The following GPLD1 variants were observed in gnomAD, a reference collection of about 807,000 sequenced individuals.
GPLD1 encodes phosphatidylinositol-glycan-specific phospholipase D.
Under a neutral mutation model 112.6 loss-of-function variants are expected in GPLD1, and 84 were observed. The ratio of observed to expected loss-of-function variants is 0.75; its 90% CI spans 0.63 to 0.89. The LOEUF is 0.89. GPLD1 is among the 40% of genes least tolerant of loss of function. The pLI is 0.00. For missense variants in GPLD1, 1,044 were observed against 1,051.5 expected (o/e 0.99, Z 0.10); for synonymous variants, 386 against 403.8 (o/e 0.96, Z 0.53).
chr6:24,439,693 T>C (rs1381335535), intron 20 of GPLD1, among the ~76,000 whole-genome samples: 1 of 152,158 alleles, frequency 6.6e-6, no homozygotes, highest in African/African-American at 2.4e-5. Context: ...AAACTCAAGG[T>C]AATGTTGTAG....
At chr6:24,475,292 T>TA in intron 4 of GPLD1, 61 bp from the exon 5 acceptor site, 1 of 361,032 alleles carries the variant, frequency 2.8e-6, no homozygotes. Context: ...ACAATCCTAT[T>TA]AAAAGTTTTA....
At chr6:24,470,661 T>C (rs1763785715) in intron 7 of GPLD1, among the ~76,000 whole-genome samples, 2 of 152,220 alleles carry the variant, frequency 1.3e-5, no homozygotes, top group Non-Finnish European at 2.9e-5. Context: ...TGCAATGGCA[T>C]GATCTCAGCT....
At chr6:24,473,575 G>T (rs372212224) in intron 6 of GPLD1, 44 bp downstream of exon 6, 2 of 1,264,606 alleles carry the variant, frequency 1.6e-6, no homozygotes, top group South Asian at 1.2e-5. Context: ...CATTATAAGT[G>T]AACTATACCA....
chr6:24,462,677 T>A (rs1051755794), intron 11 of GPLD1, 53 bp downstream of exon 11: 1 of 1,152,144 alleles, frequency 8.7e-7, no homozygotes, highest in Admixed American at 1.7e-5. Flanking sequence ...CTATAGGGCA[T>A]CTCCTCCAGG....
chr6:24,434,794 C>G (rs1360518519), intron 22 of GPLD1, among the ~76,000 whole-genome samples: 1 of 144,900 alleles, frequency 6.9e-6, no homozygotes, highest in Admixed American at 6.9e-5. Context: ...GCCGAGATCA[C>G]GCCACTGCAC....
chr6:24,495,228 G>T, upstream of GPLD1: 2 of 1,519,862 alleles, frequency 1.3e-6, no homozygotes, highest in South Asian at 2.4e-5. Context: ...CACCTTCCCC[G>T]TGCAAGACCC....
intron 10 of GPLD1, among the ~76,000 whole-genome samples, chr6:24,465,371 T>A (rs1171981657): frequency 1.3e-5 from 2 of 151,548 alleles, no homozygotes; most frequent in Non-Finnish European, 2.9e-5. Flanking sequence ...TAAAACCCCA[T>A]CTCTACCAAA....
intron 2 of GPLD1, 52 bp from the exon 3 acceptor site, chr6:24,480,011 G>A (rs748297599): frequency 1.8e-6 from 2 of 1,119,498 alleles, no homozygotes; most frequent in Admixed American, 1.7e-5. Flanking sequence ...ACAGCCTGGG[G>A]AGTATAGGCC....
chr6:24,475,626 C>T (rs1222037977), intron 4 of GPLD1, among the ~76,000 whole-genome samples: 1 of 146,146 alleles, frequency 6.8e-6, no homozygotes, highest in Non-Finnish European at 1.5e-5. Flanking sequence ...AGGTGGATCA[C>T]GAGGTCAGGA....
Position 24,467,232 on chromosome 6 carries a change from C to T in GPLD1, c.588G>A (p.Leu196=), listed in dbSNP as rs1763649608. The change falls in exon 8 of 25, where the codon CTG becomes CTA. Residue 196 remains leucine (L), a synonymous_variant. Coordinates refer to ENST00000230036, the MANE Select transcript of GPLD1 (RefSeq NM_001503.4). ...VKDLLGIYEK[L]YGRKVITENV... is the part of the protein sequence containing the mutation. ...TTTCGGTGATGACTTTTCGACCATA[C>T]AGTTTCTCATAAATTCCCAGTAGAT... The T allele has an allele frequency of 1.2e-6, 2 of 1,606,896 alleles. No individual in the cohort carries two copies. Among genetic ancestry groups the T allele is most frequent in the South Asian group, 1.1e-5 (1 of 90,926 alleles).
chr6:24,478,174 A>T (rs1764084798), intron 3 of GPLD1, among the ~76,000 whole-genome samples: 2 of 152,208 alleles, frequency 1.3e-5, no homozygotes, highest in Admixed American at 6.5e-5. Context: ...TGTAGAAGCT[A>T]TCAAGGGACA....
chr6:24,485,904 A>G (rs56761969), intron 2 of GPLD1, among the ~76,000 whole-genome samples, 171 bp downstream of exon 2: 29,215 of 152,060 alleles, frequency 0.19, 3,103 homozygotes, highest in African/African-American at 0.28. Flanking sequence ...CCTGACCTCA[A>G]GTGATCCACC....
chr6:24,428,980 A>G lies in GPLD1; in HGVS notation c.*52T>C. 1.2e-5 allele frequency: 15 copies of G among 1,257,774 alleles called. No homozygotes were observed. Among genetic ancestry groups the G allele is most frequent in the Non-Finnish European group, 1.3e-5 (11 of 866,268 alleles). The allele number at this position is 1,257,774 out of a possible 1,614,324, so 77.9% of individuals were successfully genotyped here. A position where few individuals can be genotyped will look rare whatever the true frequency, so the allele number is the denominator to read the frequency against. On this transcript the variant is annotated 3_prime_UTR_variant, in exon 25 of 25. Coordinates refer to ENST00000230036, the MANE Select transcript of GPLD1 (RefSeq NM_001503.4). Reference sequence around the variant, plus strand: ...TTGTCCATCAAAATGCTCACCATGGATGTGATTCAGCATGAGAGAGGTGGG... The same window carrying G: ...TTGTCCATCAAAATGCTCACCATGGGTGTGATTCAGCATGAGAGAGGTGGG...
intron 1 of GPLD1, among the ~76,000 whole-genome samples, chr6:24,487,917 G>A (rs1283349212): frequency 6.6e-6 from 1 of 152,188 alleles, no homozygotes; most frequent in African/African-American, 2.4e-5. Context: ...TGTAAAAGAA[G>A]AGAACTGGAC....
chr6:24,494,586 C>T (rs1358820689), intron 1 of GPLD1, among the ~76,000 whole-genome samples: 1 of 152,114 alleles, frequency 6.6e-6, no homozygotes, highest in Admixed American at 6.5e-5. Context: ...TCCGGGGATG[C>T]CGAATTTGGG....
At chr6:24,460,227 T>C in intron 12 of GPLD1, 52 bp downstream of exon 12, 1 of 1,603,322 alleles carries the variant, frequency 6.2e-7, no homozygotes, top group South Asian at 1.1e-5. Flanking sequence ...CGAAACAAGG[T>C]ATCTCAAGAA....
chr6:24,463,575 T>C (rs573712773), intron 10 of GPLD1, among the ~76,000 whole-genome samples: 58 of 152,334 alleles, frequency 3.8e-4, no homozygotes, highest in South Asian at 8.3e-4. Context: ...CCTTTTCTTG[T>C]CCACCACAGG....
chr6:24,433,808 T>C (rs749418157), intron 22 of GPLD1, among the ~76,000 whole-genome samples: 39 of 152,180 alleles, frequency 2.6e-4, no homozygotes, highest in Non-Finnish European at 4.7e-4. Flanking sequence ...TTTCTACATT[T>C]CTTGATTAGC....
rs1448974750 is a variant in GPLD1 at position 24,449,801 on chromosome 6, C to T, written c.1434G>A (p.Gln478=). 5.0e-6 allele frequency: 8 copies of T among 1,609,834 alleles called. No homozygotes were observed. Among genetic ancestry groups the T allele is most frequent in the Non-Finnish European group, 6.8e-6 (8 of 1,176,924 alleles). Residue 478 remains glutamine, a synonymous_variant, in exon 15 of 25, where the codon CAG becomes CAA. Transcript: ENST00000230036. The part of the protein sequence containing the change: ...AVGAPSVGSE[Q]LTYKGAVYVY... The stretch of plus-strand genomic sequence containing the variant: ...GCAGCAGCCTTACTTTGTAGGTGAG[C>T]TGCTCGGAGCCCACCGAGGGAGCTC...
Sources: allele counts gnomAD v4.1 joint callset (sites outside exome capture counted in the v4.1 genomes callset), GRCh38; gene constraint gnomAD v4.1.1; transcripts MANE v1.5; gene names NCBI Gene and HGNC (gene_info 2026-07-23, HGNC 2026-07-21).